GRAMD1B: variants seen among roughly 807,000 people sequenced by gnomAD.
The protein encoded by GRAMD1B is GRAM domain containing 1B, also known as protein Aster-B.
Under a neutral mutation model 99.7 loss-of-function variants are expected in GRAMD1B, and 37 were observed. That is an observed-to-expected ratio of 0.37 (90% CI 0.29 to 0.49). The LOEUF is 0.49. Among genes scored for constraint, GRAMD1B ranks in the 20% least tolerant of loss-of-function variants. The pLI is 0.98. For synonymous variants in GRAMD1B, 427 were observed against 387.6 expected (o/e 1.10, Z -1.19); for missense variants, 888 against 1,009.2 (o/e 0.88, Z 1.63).
intron 1 of GRAMD1B, among the ~76,000 whole-genome samples, chr11:123,379,577 C>A (rs985145967): frequency 6.6e-6 from 1 of 152,172 alleles, no homozygotes; most frequent in African/African-American, 2.4e-5. Context: ...TTTATCCAAC[C>A]ATCGGCTCAT....
intron 1 of GRAMD1B, among the ~76,000 whole-genome samples, chr11:123,470,726 A>G: frequency 6.6e-6 from 1 of 152,124 alleles, no homozygotes; most frequent in East Asian, 1.9e-4. Context: ...AACTTGCTTA[A>G]TCCTCACAAC....
At chr11:123,552,258 G>A (rs1287306300) in intron 2 of GRAMD1B, among the ~76,000 whole-genome samples, 1 of 142,918 alleles carries the variant, frequency 7.0e-6, no homozygotes, top group Non-Finnish European at 1.5e-5. Flanking sequence ...ACACACAGTT[G>A]TCTTCTCTTT....
intron 16 of GRAMD1B, among the ~76,000 whole-genome samples, chr11:123,614,377 G>A (rs1221931574): frequency 6.6e-6 from 1 of 152,180 alleles, no homozygotes; most frequent in Non-Finnish European, 1.5e-5. Context: ...TACATGACTT[G>A]TCCTCCATCA....
At chr11:123,576,681 T>C (rs917445937) in intron 2 of GRAMD1B, among the ~76,000 whole-genome samples, 1 of 152,218 alleles carries the variant, frequency 6.6e-6, no homozygotes, top group Non-Finnish European at 1.5e-5. Flanking sequence ...ATCTTTACCC[T>C]GGGCAGAGGA....
At chr11:123,546,366 G>T (rs968913446) in intron 2 of GRAMD1B, among the ~76,000 whole-genome samples, 26 of 152,318 alleles carry the variant, frequency 1.7e-4, no homozygotes, top group African/African-American at 5.3e-4. Flanking sequence ...TCCTGGTTTT[G>T]CTCAACTACT....
At chr11:123,613,981 A>T (rs1275057) in intron 16 of GRAMD1B, among the ~76,000 whole-genome samples, 13,199 of 152,108 alleles carry the variant, frequency 0.087, 744 homozygotes, top group Admixed American at 0.17. Context: ...CACTAAGGAG[A>T]TCCCACAGCT....
intron 2 of GRAMD1B, among the ~76,000 whole-genome samples, chr11:123,507,825 A>G (rs1016272112): frequency 5.9e-5 from 9 of 152,218 alleles, no homozygotes; most frequent in Non-Finnish European, 1.0e-4. Context: ...ATTCTCTACC[A>G]AACTATAGTA....
chr11:123,552,142 G>C (rs186140710), intron 2 of GRAMD1B, among the ~76,000 whole-genome samples: 1 of 152,048 alleles, frequency 6.6e-6, no homozygotes, highest in Admixed American at 6.5e-5. Context: ...CAGCCATCCT[G>C]TGTAGATTCT....
intron 2 of GRAMD1B, among the ~76,000 whole-genome samples, chr11:123,493,027 C>T (rs1343878817): frequency 6.6e-6 from 1 of 152,180 alleles, no homozygotes; most frequent in Non-Finnish European, 1.5e-5. Flanking sequence ...CGATATTCAG[C>T]GCTGTGCCTT....
chr11:123,570,421 CTTTTTTT>C (rs755038860), intron 2 of GRAMD1B, among the ~76,000 whole-genome samples: 2 of 130,578 alleles, frequency 1.5e-5, no homozygotes, highest in African/African-American at 2.9e-5. Flanking sequence ...TTTTTCTTTT[CTTTTTTT>C]TTTTTTTTTT....
chr11:123,614,683 C>A, intron 16 of GRAMD1B, 62 bp from the exon 17 acceptor site: 2 of 944,698 alleles, frequency 2.1e-6, no homozygotes, highest in Non-Finnish European at 3.4e-6. Flanking sequence ...ACCAGTGTCC[C>A]CACCAGCAGT....
chr11:123,575,830 C>T (rs1948646710), intron 2 of GRAMD1B, among the ~76,000 whole-genome samples: 2 of 152,148 alleles, frequency 1.3e-5, no homozygotes, highest in Admixed American at 6.5e-5. Context: ...GGAAGAGCCT[C>T]TTTTGAAAGA....
chr11:123,380,670 CA>C (rs1946841857), intron 1 of GRAMD1B, among the ~76,000 whole-genome samples: 1 of 152,154 alleles, frequency 6.6e-6, no homozygotes, highest in Admixed American at 6.5e-5. Flanking sequence ...TCAACACGGC[CA>C]GCAGCTCTGC....
At position 123,560,347 on chromosome 11, in the gene GRAMD1B, G is replaced by A. The variant is rs1159027041; in HGVS notation, c.453-17020G>A. On this transcript the variant is annotated intron_variant, in intron 2 of 19. Coordinates refer to ENST00000635736, the MANE Select transcript of GRAMD1B (RefSeq NM_001387025.1). Reference sequence around the variant, plus strand: ...AGAGAGAGAGGGACTTCTGTAAGGCGGCACGACCACACCAAATAACAGCAG... The same window carrying A: ...AGAGAGAGAGGGACTTCTGTAAGGCAGCACGACCACACCAAATAACAGCAG... 8 of 1,166,582 alleles carry A rather than the reference G, an allele frequency of 6.9e-6. No homozygotes were observed. In the East Asian group the frequency reaches 2.5e-4, roughly 36 times the overall value. 72.3% of individuals were successfully genotyped at this position (1,166,582 alleles called of 1,614,324 possible). A position where few individuals can be genotyped will look rare whatever the true frequency, so the allele number is the denominator to read the frequency against.
intron 2 of GRAMD1B, among the ~76,000 whole-genome samples, chr11:123,529,594 T>C (rs917220007): frequency 6.6e-6 from 1 of 152,140 alleles, no homozygotes; most frequent in Non-Finnish European, 1.5e-5. Flanking sequence ...GAGGTGGCAT[T>C]GACAAACAGA....
intron 2 of GRAMD1B, among the ~76,000 whole-genome samples, chr11:123,540,263 A>G (rs1419017435): frequency 2.0e-5 from 3 of 149,904 alleles, no homozygotes; most frequent in African/African-American, 7.4e-5. Context: ...TATTTTTTGT[A>G]TAGACGGAAT....
At chr11:123,542,788 G>A (rs1168440515) in intron 2 of GRAMD1B, among the ~76,000 whole-genome samples, 4 of 152,152 alleles carry the variant, frequency 2.6e-5, no homozygotes, top group Non-Finnish European at 4.4e-5. Context: ...GAGTAGCTGG[G>A]ATTACAGGTG....
intron 17 of GRAMD1B, 52 bp downstream of exon 17, chr11:123,614,887 C>T (rs1331109688): frequency 1.9e-6 from 2 of 1,045,162 alleles, no homozygotes; most frequent in Non-Finnish European, 2.9e-6. Flanking sequence ...CCCTTTCCAG[C>T]CTGGTGCCCC....
At chr11:123,529,690 C>T (rs547144473) in intron 2 of GRAMD1B, among the ~76,000 whole-genome samples, 10 of 152,324 alleles carry the variant, frequency 6.6e-5, no homozygotes. Flanking sequence ...CACCAATCTT[C>T]CGCAGCTTCT....
Sources: gnomAD v4.1 joint callset for allele counts (sites outside exome capture counted in the v4.1 genomes callset) on GRCh38, gnomAD v4.1.1 for gene constraint, MANE v1.5 for transcripts, NCBI Gene and HGNC (gene_info 2026-07-23, HGNC 2026-07-21) for gene names.